Variants in TMED3 observed in about 807,000 individuals in gnomAD.
TMED3 encodes transmembrane p24 trafficking protein 3.
In TMED3, 9 loss-of-function variants were observed where a neutral mutation model predicts 15.0. The ratio of observed to expected loss-of-function variants is 0.60; its 90% CI spans 0.36 to 1.04. The LOEUF is 1.04. Ranked by LOEUF, TMED3 falls within the 50% of genes least tolerant of loss-of-function variation. The pLI is 0.01. For synonymous variants in TMED3, 117 were observed against 121.4 expected (o/e 0.96, Z 0.24); for missense variants, 267 against 278.9 (o/e 0.96, Z 0.30).
At chr15:79,328,594 A>G (rs1004156837) in intron 2 of TMED3, among the ~76,000 whole-genome samples, 26 of 152,188 alleles carry the variant, frequency 1.7e-4, no homozygotes, top group African/African-American at 5.3e-4. Flanking sequence ...CAGTGGAGTA[A>G]GTGTATGTGT....
At chr15:79,336,782 A>G (rs982666749) in intron 2 of TMED3, among the ~76,000 whole-genome samples, 13 of 152,234 alleles carry the variant, frequency 8.5e-5, no homozygotes, top group African/African-American at 2.9e-4. Flanking sequence ...GGTGGATCCA[A>G]CCCAGCAAAC....
At chr15:79,399,289 C>A (rs1186988789) in intron 2 of TMED3, among the ~76,000 whole-genome samples, 2 of 152,134 alleles carry the variant, frequency 1.3e-5, no homozygotes, top group Non-Finnish European at 2.9e-5. Flanking sequence ...CTCCCCAAGG[C>A]CCACTCAAGT....
intron 2 of TMED3, chr15:79,384,358 A>T (rs1507676): frequency 2.6e-5 from 4 of 152,212 alleles, no homozygotes; most frequent in Non-Finnish European, 5.9e-5. Flanking sequence ...TGTAAATGCC[A>T]CAAGTAAAGG....
chr15:79,342,535 T>G (rs1415365304), intron 2 of TMED3, among the ~76,000 whole-genome samples: 1 of 152,200 alleles, frequency 6.6e-6, no homozygotes. Flanking sequence ...TTATTTACCT[T>G]AAGGGAGTCC....
intron 2 of TMED3, among the ~76,000 whole-genome samples, chr15:79,366,236 ACT>A (rs1472533832): frequency 1.3e-5 from 2 of 152,094 alleles, no homozygotes; most frequent in Non-Finnish European, 2.9e-5. Context: ...TGTACACAGC[ACT>A]CTGCAGCCCA....
intron 2 of TMED3, among the ~76,000 whole-genome samples, chr15:79,372,717 T>C (rs1893362317): frequency 6.6e-6 from 1 of 152,164 alleles, no homozygotes; most frequent in South Asian, 2.1e-4. Flanking sequence ...CCATGACACA[T>C]GGGGATTATG....
chr15:79,383,213 G>T (rs1163638802), intron 2 of TMED3: 1 of 574,382 alleles, frequency 1.7e-6, no homozygotes. Flanking sequence ...TGATCTTCAG[G>T]GACCATCCAG....
chr15:79,338,776 A>G (rs1595892699), intron 2 of TMED3, among the ~76,000 whole-genome samples: 1 of 152,218 alleles, frequency 6.6e-6, no homozygotes, highest in Non-Finnish European at 1.5e-5. Context: ...ATGCCCAGAC[A>G]GGGCCACCAG....
intron 2 of TMED3, among the ~76,000 whole-genome samples, chr15:79,352,792 T>G (rs1286667217): frequency 7.1e-6 from 1 of 140,532 alleles, no homozygotes; most frequent in Non-Finnish European, 1.5e-5. Context: ...TGAGAAATCT[T>G]AGCCACAAAT....
chr15:79,317,562 G>A (rs553766186), intron 2 of TMED3, among the ~76,000 whole-genome samples: 5 of 152,238 alleles, frequency 3.3e-5, no homozygotes, highest in Admixed American at 6.5e-5. Context: ...TGTTCTCTGC[G>A]GATTTGTACA....
chr15:79,346,594 T>G, intron 2 of TMED3, among the ~76,000 whole-genome samples: 1 of 152,208 alleles, frequency 6.6e-6, no homozygotes, highest in East Asian at 1.9e-4. Flanking sequence ...TACCCAGTCT[T>G]GAGTACATCC....
intron 2 of TMED3, among the ~76,000 whole-genome samples, chr15:79,332,394 A>T (rs528167910): frequency 6.6e-6 from 1 of 152,366 alleles, no homozygotes; most frequent in East Asian, 1.9e-4. Flanking sequence ...CATCTGGCCA[A>T]TGCGAAACTC....
downstream of TMED3, among the ~76,000 whole-genome samples, chr15:79,324,054 A>G (rs1046819494): frequency 5.9e-5 from 9 of 152,110 alleles, no homozygotes; most frequent in Non-Finnish European, 1.0e-4. Flanking sequence ...GCAGTGGTGC[A>G]GTCTCGGCTC....
At chr15:79,398,132 T>C (rs34186072) in intron 2 of TMED3, among the ~76,000 whole-genome samples, 15,232 of 152,182 alleles carry the variant, frequency 0.1, 881 homozygotes, top group Admixed American at 0.14. Context: ...CTCTGCGCTC[T>C]ACCTATTCAT....
chr15:79,383,922 G>C (rs918523352), intron 2 of TMED3: 1 of 152,204 alleles, frequency 6.6e-6, no homozygotes, highest in African/African-American at 2.4e-5. Context: ...ATCCTTTACT[G>C]CATAAGCTCT....
intron 2 of TMED3, among the ~76,000 whole-genome samples, chr15:79,359,133 G>A (rs556847631): frequency 6.6e-6 from 1 of 152,238 alleles, no homozygotes; most frequent in Admixed American, 6.5e-5. Flanking sequence ...GGCTTATGTA[G>A]CTGGAAGGAA....
At chr15:79,407,283 A>G (rs1893914665) in intron 2 of TMED3, among the ~76,000 whole-genome samples, 1 of 152,150 alleles carries the variant, frequency 6.6e-6, no homozygotes. Flanking sequence ...GTCAGGGGAG[A>G]GTGCCTCTAC....
intron 2 of TMED3, among the ~76,000 whole-genome samples, chr15:79,379,091 C>T (rs1449126912): frequency 6.6e-6 from 1 of 152,134 alleles, no homozygotes; most frequent in Non-Finnish European, 1.5e-5. Flanking sequence ...GAACATATAA[C>T]CAAAAAACTT....
downstream of TMED3, among the ~76,000 whole-genome samples, chr15:79,326,091 TAG>T (rs999576002): frequency 1.3e-5 from 2 of 152,172 alleles, no homozygotes; most frequent in Non-Finnish European, 2.9e-5. Context: ...CATAGCACGT[TAG>T]AGGTTTTATT....
Sources: allele counts gnomAD v4.1 joint callset (sites outside exome capture counted in the v4.1 genomes callset), GRCh38; gene constraint gnomAD v4.1.1; transcripts MANE v1.5; gene names NCBI Gene and HGNC (gene_info 2026-07-23, HGNC 2026-07-21).